Variants in CARF observed in about 807,000 individuals in gnomAD.
CARF encodes calcium responsive transcription factor, also known as calcium-responsive transcription factor.
In CARF, 57 loss-of-function variants were observed where a neutral mutation model predicts 82.0. That is an observed-to-expected ratio of 0.70 (90% CI 0.56 to 0.87). The LOEUF (loss-of-function observed/expected upper bound fraction) is 0.87, where lower values mean the gene tolerates loss of function less well. Among genes scored for constraint, CARF ranks in the 40% least tolerant of loss-of-function variants. The pLI, the probability that CARF is intolerant of heterozygous loss-of-function variation, is 0.00. For missense variants in CARF, 771 were observed against 855.8 expected, an observed-to-expected ratio of 0.90 and a Z score of 1.24; for synonymous variants, 268 against 290.1, an observed-to-expected ratio of 0.92 and a Z score of 0.77.
intron 5 of CARF, among the ~76,000 whole-genome samples, chr2:202,944,444 A>G (rs2058392562): frequency 6.6e-6 from 1 of 152,230 alleles, no homozygotes; most frequent in Non-Finnish European, 1.5e-5. Flanking sequence ...TAAACATTTT[A>G]CCTAGAATTA....
At chr2:202,970,086 T>C in intron 11 of CARF, 24 bp downstream of exon 11, 2 of 1,536,780 alleles carry the variant, frequency 1.3e-6, no homozygotes, top group Non-Finnish European at 1.7e-6. Context: ...ATAGTTCTTT[T>C]ATTTTACAAA....
At chr2:202,972,179 G>T (rs1470891092) in intron 12 of CARF, among the ~76,000 whole-genome samples, 2 of 151,746 alleles carry the variant, frequency 1.3e-5, no homozygotes, top group Non-Finnish European at 2.9e-5. Context: ...TAGTACTCTG[G>T]TCTAAGTTTT....
chr2:202,976,350 T>C (rs1361094393), intron 13 of CARF, among the ~76,000 whole-genome samples: 1 of 152,022 alleles, frequency 6.6e-6, no homozygotes, highest in Non-Finnish European at 1.5e-5. Flanking sequence ...AATTTTTTTG[T>C]TTTTATTAGA....
chr2:202,976,095 A>C (rs62183746), intron 13 of CARF, among the ~76,000 whole-genome samples: 66,454 of 151,400 alleles, frequency 0.44, 16,553 homozygotes, highest in Middle Eastern at 0.69. Flanking sequence ...ATACATACAT[A>C]CATACATACA....
At chr2:202,943,647 G>GT (rs1227871904) in intron 5 of CARF, among the ~76,000 whole-genome samples, 13 of 101,376 alleles carry the variant, frequency 1.3e-4, no homozygotes, top group South Asian at 4.1e-4. Flanking sequence ...GCTAACTCCA[G>GT]TTTTGTTTTT....
chr2:202,938,653 T>G (rs1224493618), intron 3 of CARF, among the ~76,000 whole-genome samples: 9 of 99,990 alleles, frequency 9.0e-5, no homozygotes, highest in South Asian at 3.9e-4. Context: ...TGGGGGGGTT[T>G]TTTTTGTTTT....
rs1314264977 is a variant in CARF, at chr2:202,986,200, T to G, written c.*2576T>G. ...TCTAAATTAGATTTTAAAAATTCAT[T>G]GTCATCTAAATGCATGTTTAGTCAC... is the stretch of plus-strand genomic sequence containing the variant. On this transcript the variant is annotated 3_prime_UTR_variant, in exon 17 of 17. Transcript: ENST00000438828. 6.6e-6 allele frequency: 1 copy of G among 152,170 alleles called. No homozygotes were observed. The highest frequency in any genetic ancestry group is 2.4e-5 in the African/African-American group (1 of 41,458). The allele number at this position is 152,170 out of a possible 1,614,324, so 9.4% of individuals were successfully genotyped here.
chr2:202,921,995 ATTT>A (rs1169957776), intron 2 of CARF, among the ~76,000 whole-genome samples: 1 of 141,262 alleles, frequency 7.1e-6, no homozygotes, highest in African/African-American at 2.6e-5. Flanking sequence ...TGCCTGGCTG[ATTT>A]TTTTTTTTTT....
At position 202,986,867 on chromosome 2, in the gene CARF, C is replaced by CGTAT. The variant is rs1478598240; in HGVS notation, c.*3244_*3247dup. On this transcript the variant is annotated 3_prime_UTR_variant, in exon 17 of 17. Coordinates refer to ENST00000438828, the MANE Select transcript of CARF (RefSeq NM_024744.17). ...AAAAGAGGTTTAAAAAATGTCTGTG[C>CGTAT]GTATATATATATATATATATATATA... 3.2e-4 allele frequency: 18 copies of CGTAT among 56,702 alleles called. No homozygotes were observed. Among genetic ancestry groups the CGTAT allele is most frequent in the African/African-American group, 1.2e-3 (16 of 12,958 alleles). 3.5% of individuals were successfully genotyped at this position (56,702 alleles called of 1,614,324 possible). A position where few individuals can be genotyped will look rare whatever the true frequency, so the allele number is the denominator to read the frequency against.
intron 1 of CARF, among the ~76,000 whole-genome samples, chr2:202,914,950 TTTTTTTTA>T (rs1042814639): frequency 7.2e-5 from 11 of 151,920 alleles, no homozygotes; most frequent in South Asian, 2.1e-4. Context: ...TAAAAAGTGC[TTTTTTTTA>T]TTTTTTTATT....
intron 12 of CARF, among the ~76,000 whole-genome samples, chr2:202,972,441 G>A (rs1270132568): frequency 6.6e-6 from 1 of 151,988 alleles, no homozygotes; most frequent in Non-Finnish European, 1.5e-5. Context: ...CACTTTGGGA[G>A]TCCGAGGAGG....
intron 8 of CARF, among the ~76,000 whole-genome samples, chr2:202,956,642 T>C (rs1559240915): frequency 2.6e-5 from 4 of 152,144 alleles, no homozygotes; most frequent in East Asian, 1.9e-4. Flanking sequence ...CCATATCCCA[T>C]ACTGAAATCA....
At chr2:202,921,180 T>C (rs1690724167) in intron 2 of CARF, among the ~76,000 whole-genome samples, 1 of 152,144 alleles carries the variant, frequency 6.6e-6, no homozygotes, top group Non-Finnish European at 1.5e-5. Context: ...TTTTTGTATT[T>C]TTGGTAGAGA....
At chr2:202,932,996 T>C (rs1167825781) in intron 3 of CARF, among the ~76,000 whole-genome samples, 1 of 152,130 alleles carries the variant, frequency 6.6e-6, no homozygotes, top group Non-Finnish European at 1.5e-5. Flanking sequence ...GCATGACTGT[T>C]CTGGGAGGCC....
At position 202,981,585 on chromosome 2, in the gene CARF, A is replaced by C; in HGVS notation, c.1589A>C (p.Lys530Thr). 6.2e-7 allele frequency: 1 copy of C among 1,605,458 alleles called. No homozygotes were observed. Among genetic ancestry groups the C allele is most frequent in the Non-Finnish European group, 8.5e-7 (1 of 1,174,710 alleles). ...GNSPGESITT[K>T]VETNQTRGSL... Reference sequence around the variant, plus strand: ...TCACCAGGAGAATCAATTACCACCAAAGTGGAAACAAATCAGACCAGGGGT... The same window carrying C: ...TCACCAGGAGAATCAATTACCACCACAGTGGAAACAAATCAGACCAGGGGT... Residue 530 changes from lysine (K) to threonine (T), a missense_variant, in exon 15 of 17, where the codon AAA becomes ACA. Lys to Thr is a moderately conservative substitution (Grantham distance 78). Transcript: ENST00000438828.
At chr2:202,935,540 C>T (rs1163969400) in intron 3 of CARF, among the ~76,000 whole-genome samples, 1 of 151,586 alleles carries the variant, frequency 6.6e-6, no homozygotes, top group Non-Finnish European at 1.5e-5. Flanking sequence ...TCTCCTGCCT[C>T]AGCTTGCCGA....
At chr2:202,939,041 T>A (rs1162733157) in intron 3 of CARF, among the ~76,000 whole-genome samples, 1 of 152,236 alleles carries the variant, frequency 6.6e-6, no homozygotes, top group Admixed American at 6.5e-5. Flanking sequence ...AGGGGTGTTT[T>A]TATGGTCTGT....
chr2:202,976,825 C>A (rs896717178), intron 13 of CARF, among the ~76,000 whole-genome samples: 2 of 151,798 alleles, frequency 1.3e-5, no homozygotes, highest in Admixed American at 1.3e-4. Context: ...GTCCTCCCAC[C>A]TTAGCCTCCT....
At chr2:202,970,859 CTTT>C (rs759204879) in intron 11 of CARF, among the ~76,000 whole-genome samples, 3 of 135,470 alleles carry the variant, frequency 2.2e-5, no homozygotes. Flanking sequence ...GTCTACTTTT[CTTT>C]TTTTTTTTTT....
Sources: gnomAD v4.1 joint callset for allele counts (sites outside exome capture counted in the v4.1 genomes callset) on GRCh38, gnomAD v4.1.1 for gene constraint, MANE v1.5 for transcripts, NCBI Gene and HGNC (gene_info 2026-07-23, HGNC 2026-07-21) for gene names.